Variants in HDLBP observed in about 807,000 individuals in gnomAD.
HDLBP encodes the protein vigilin.
Under a neutral mutation model 137.3 loss-of-function variants are expected in HDLBP, and 30 were observed. The observed-to-expected ratio is 0.22, with a 90% CI of 0.16 to 0.30. The LOEUF (loss-of-function observed/expected upper bound fraction) is 0.30, where lower values mean the gene tolerates loss of function less well. HDLBP is among the 10% of genes least tolerant of loss of function. The probability of loss-of-function intolerance (pLI) is 1.00; values close to 1 mark genes in which losing one functional copy is unlikely to be tolerated. For missense variants in HDLBP, 1,119 were observed against 1,667.3 expected (o/e 0.67, Z 5.73); for synonymous variants, 606 against 596.0 (o/e 1.02, Z -0.24).
At position 241,255,365 on chromosome 2, in the gene HDLBP, G is replaced by C. The variant is rs1448220076; in HGVS notation, c.1080+9C>G. 6.2e-7 allele frequency: 1 copy of C among 1,611,862 alleles called. No individual in the cohort carries two copies. The highest frequency in any genetic ancestry group is 1.1e-5 in the South Asian group (1 of 91,036). On this transcript the variant is annotated intron_variant, in intron 8 of 27. Transcript: ENST00000310931. ...AAAGGAGACACACTTCATGCTCGGA[G>C]GCAGTTACCTTGGCATAGACTTCAG...
At chr2:241,234,310 G>A (rs997512964) in intron 23 of HDLBP, among the ~76,000 whole-genome samples, 3 of 152,312 alleles carry the variant, frequency 2.0e-5, no homozygotes, top group South Asian at 4.1e-4. Flanking sequence ...TGATGGATAC[G>A]CACAGAAATG....
chr2:241,230,644 TG>T lies in HDLBP; in HGVS notation c.3474+114del. ...ATGAGGACAGTTCCACTGCCAGCCC[TG>T]GGGTTGTGGCCTCATCATCTTGAGG... On this transcript the variant is annotated intron_variant, in intron 25 of 27. Coordinates refer to ENST00000310931, the MANE Select transcript of HDLBP (RefSeq NM_005336.6). The surrounding 1 kb of genome is among the most constrained non-coding windows in gnomAD (Gnocchi z 5.0). The T allele has an allele frequency of 1.1e-6, 1 of 890,856 alleles. No individual in the cohort carries two copies. The highest frequency in any genetic ancestry group is 1.8e-6 in the Non-Finnish European group (1 of 570,804). The allele number at this position is 890,856 out of a possible 1,614,324, so 55.2% of individuals were successfully genotyped here.
At chr2:241,293,776 C>T (rs1302382377) in intron 1 of HDLBP, among the ~76,000 whole-genome samples, 1 of 150,070 alleles carries the variant, frequency 6.7e-6, no homozygotes, top group East Asian at 2.0e-4. Flanking sequence ...AAAAAATTAG[C>T]CTGGCATGGT....
intron 2 of HDLBP, 125 bp downstream of exon 2, chr2:241,268,352 G>C: frequency 1.8e-6 from 1 of 551,568 alleles, no homozygotes. Flanking sequence ...GACGAACCAC[G>C]AGAAACTTGA....
At position 241,264,579 on chromosome 2, in the gene HDLBP, TCTC is replaced by T. The variant is rs1478055485; in HGVS notation, c.100_102del (p.Glu34del). 2.5e-6 allele frequency: 4 copies of T among 1,613,598 alleles called. No homozygotes were observed. In the African/African-American group the frequency reaches 5.3e-5, roughly 22 times the overall value. On this transcript the variant is annotated inframe_deletion, in exon 4 of 28. Coordinates refer to ENST00000310931, the MANE Select transcript of HDLBP (RefSeq NM_005336.6). Reference sequence around the variant, plus strand: ...GCATCCTTGTAGGTTGGAGGGTCGCTCTCCTCTTCTGAATTTAGAGTGGCAACT... The same window carrying T: ...GCATCCTTGTAGGTTGGAGGGTCGCTCTCTTCTGAATTTAGAGTGGCAACT...
intron 1 of HDLBP, among the ~76,000 whole-genome samples, chr2:241,287,309 CAT>C (rs2074851661): frequency 6.6e-6 from 1 of 151,810 alleles, no homozygotes; most frequent in Non-Finnish European, 1.5e-5. Flanking sequence ...CAGGGTTTCA[CAT>C]TGTTGGCCAG....
intron 1 of HDLBP, among the ~76,000 whole-genome samples, chr2:241,289,814 CAAG>C (rs1390500855): frequency 2.0e-5 from 3 of 152,028 alleles, no homozygotes; most frequent in Non-Finnish European, 4.4e-5. Flanking sequence ...AAGGAAACCT[CAAG>C]AAGACATTAG....
chr2:241,248,030 T>A lies in HDLBP; in HGVS notation c.1704A>T (p.Lys568Asn). 1.9e-6 allele frequency: 3 copies of A among 1,613,820 alleles called. No individual in the cohort carries two copies. The highest frequency in any genetic ancestry group is 2.5e-6 in the Non-Finnish European group (3 of 1,179,674). ...GPKNEVEKCT[K>N]YMQKMVADLV... ...GATCTGCCACCATCTTCTGCATGTA[T>A]TTTGTGCATTTTTCCACCTCATTCT... The change falls in exon 14 of 28, where the codon AAA (lysine) becomes AAT (asparagine). Residue 568 changes from lysine (K) to asparagine (N), a missense_variant. By Grantham distance (94) the Lys-to-Asn change is moderately conservative. Transcript: ENST00000310931.
chr2:241,254,001 G>C (rs2072412363), intron 9 of HDLBP, among the ~76,000 whole-genome samples: 1 of 152,176 alleles, frequency 6.6e-6, no homozygotes, highest in Admixed American at 6.5e-5. Context: ...CAAAGTAAAA[G>C]GGGCTGGGCA....
Position 241,272,035 on chromosome 2 carries a change from A to G in HDLBP, c.-102-3494T>C, listed in dbSNP as rs62186377. On this transcript the variant is annotated intron_variant, in intron 1 of 27. Transcript: ENST00000310931. The surrounding 1 kb of genome is among the most constrained non-coding windows in gnomAD (Gnocchi z 5.6). The stretch of plus-strand genomic sequence containing the variant: ...CGGGGACAGGCTTAAAGGGACAGCA[A>G]CCCCTCGGCCTCCCCGCCTTTCATC... 43,529 of 259,932 alleles carry G rather than the reference A, an allele frequency of 0.17. 4,331 individuals carry two copies. Among genetic ancestry groups the G allele is most frequent in the East Asian group, 0.41 (2,302 of 5,646 alleles). 16.1% of individuals were successfully genotyped at this position (259,932 alleles called of 1,614,324 possible). A position where few individuals can be genotyped will look rare whatever the true frequency, so the allele number is the denominator to read the frequency against.
At chr2:241,292,719 A>G (rs1277752051) in intron 1 of HDLBP, among the ~76,000 whole-genome samples, 1 of 152,222 alleles carries the variant, frequency 6.6e-6, no homozygotes, top group Non-Finnish European at 1.5e-5. Context: ...CTATAGTAAA[A>G]TGCTGACAAC....
At chr2:241,242,274 A>G (rs2071314689) in intron 17 of HDLBP, among the ~76,000 whole-genome samples, 186 bp downstream of exon 17, 1 of 152,002 alleles carries the variant, frequency 6.6e-6, no homozygotes, top group African/African-American at 2.4e-5. Context: ...TGCATATGTG[A>G]GCGTTTGGAC....
chr2:241,308,560 G>A lies in HDLBP; in HGVS notation c.-103+7010C>T, dbSNP rs74526056. Among the ~76,000 whole-genome samples the A allele has an allele frequency of 0.012, 1,821 of 152,260 alleles. 128 individuals carry two copies. The East Asian group carries it at 0.17, about 14-fold the overall frequency. ...ATTAACCTACTCTGCTTTAAGAGAA[G>A]GGCTCCCCCAAAAGGTAATTGTGCT... On this transcript the variant is annotated intron_variant, in intron 1 of 27. Transcript: ENST00000310931.
intron 1 of HDLBP, among the ~76,000 whole-genome samples, chr2:241,283,445 A>G (rs576838053): frequency 6.6e-6 from 1 of 152,184 alleles, no homozygotes; most frequent in Non-Finnish European, 1.5e-5. Flanking sequence ...AGAAGATGCC[A>G]TCTAAGGACT....
At chr2:241,299,104 C>A (rs182189784) in intron 1 of HDLBP, among the ~76,000 whole-genome samples, 1 of 152,268 alleles carries the variant, frequency 6.6e-6, no homozygotes, top group East Asian at 1.9e-4. Flanking sequence ...GTTCGTAGTC[C>A]CAACTTACTC....
chr2:241,286,552 C>T (rs1575023490), intron 1 of HDLBP, among the ~76,000 whole-genome samples: 2 of 152,322 alleles, frequency 1.3e-5, no homozygotes, highest in South Asian at 4.1e-4. Context: ...CCAGACCGAA[C>T]CAATGTTCGT....
intron 24 of HDLBP, among the ~76,000 whole-genome samples, chr2:241,232,917 GC>G (rs1014441600): frequency 2.0e-5 from 3 of 152,026 alleles, no homozygotes; most frequent in Non-Finnish European, 2.9e-5. Flanking sequence ...GTGCAGGAGG[GC>G]CCTCCTGGCC....
chr2:241,239,570 G>T lies in HDLBP; in HGVS notation c.2610+32C>A. On this transcript the variant is annotated intron_variant, in intron 19 of 27. Coordinates refer to ENST00000310931, the MANE Select transcript of HDLBP (RefSeq NM_005336.6). The surrounding 1 kb of genome is among the most constrained non-coding windows in gnomAD (Gnocchi z 4.6). The stretch of plus-strand genomic sequence containing the variant: ...CTTCGGTGAGTGGCCACTGGGGGGT[G>T]AGAACCCCTCCCCGAGCACCCAAGT... 2 of 1,582,170 alleles carry T rather than the reference G, an allele frequency of 1.3e-6. No individual in the cohort carries two copies. Among genetic ancestry groups the T allele is most frequent in the South Asian group, 1.1e-5 (1 of 90,284 alleles).
Position 241,272,367 on chromosome 2 carries a change from T to A in HDLBP, c.-102-3826A>T. The A allele has an allele frequency of 2.0e-6, 2 of 983,046 alleles. No individual in the cohort carries two copies. Among genetic ancestry groups the A allele is most frequent in the Non-Finnish European group, 2.4e-6 (2 of 829,242 alleles). The allele number at this position is 983,046 out of a possible 1,614,324, so 60.9% of individuals were successfully genotyped here. ...CCCCGCCAACGTCAGCGACCTGGGC[T>A]CAGGTCGGCCGCCCCTCCGCGCCGT... On this transcript the variant is annotated intron_variant, in intron 1 of 27. Transcript: ENST00000310931. The surrounding 1 kb of genome is among the most constrained non-coding windows in gnomAD (Gnocchi z 5.6).
Sources: allele counts gnomAD v4.1 joint callset (sites outside exome capture counted in the v4.1 genomes callset), GRCh38; gene constraint gnomAD v4.1.1; non-coding constraint Gnocchi (gnomAD v3.1); transcripts MANE v1.5; gene names NCBI Gene and HGNC (gene_info 2026-07-23, HGNC 2026-07-21).